Variants in LSAMP observed in about 807,000 individuals in gnomAD.
LSAMP encodes limbic system associated membrane protein.
Under a neutral mutation model 38.6 loss-of-function variants are expected in LSAMP, and 7 were observed. The observed-to-expected ratio is 0.18, with a 90% CI of 0.10 to 0.34. LSAMP has a LOEUF of 0.34. LSAMP is among the 10% of genes least tolerant of loss of function. The probability of loss-of-function intolerance (pLI) is 1.00; values close to 1 mark genes in which losing one functional copy is unlikely to be tolerated. For missense variants in LSAMP, 313 were observed against 420.0 expected, an observed-to-expected ratio of 0.75 and a Z score of 2.23; for synonymous variants, 154 against 166.8, an observed-to-expected ratio of 0.92 and a Z score of 0.59.
chr3:116,106,924 A>G (rs556146544), intron 1 of LSAMP, among the ~76,000 whole-genome samples: 9 of 152,318 alleles, frequency 5.9e-5, no homozygotes, highest in Non-Finnish European at 1.0e-4. Context: ...AATAGCAGAT[A>G]GAACACTGAG....
chr3:116,232,794 A>G (rs1432114280), intron 1 of LSAMP, among the ~76,000 whole-genome samples: 2 of 147,434 alleles, frequency 1.4e-5, no homozygotes, highest in Non-Finnish European at 3.0e-5. Flanking sequence ...CAGAGGAAGT[A>G]GAACTATTAG....
At chr3:115,919,894 A>C (rs1387047487) in intron 3 of LSAMP, among the ~76,000 whole-genome samples, 2 of 152,200 alleles carry the variant, frequency 1.3e-5, no homozygotes, top group Non-Finnish European at 2.9e-5. Context: ...GGCGTGAGCC[A>C]CCCACCGTGC....
At chr3:116,166,451 G>T (rs536699454) in intron 1 of LSAMP, among the ~76,000 whole-genome samples, 2 of 152,320 alleles carry the variant, frequency 1.3e-5, no homozygotes, top group East Asian at 3.9e-4. Context: ...TGGCTCCACA[G>T]TCTATGCTCC....
chr3:116,306,938 C>A (rs187419158), intron 1 of LSAMP, among the ~76,000 whole-genome samples: 1 of 151,898 alleles, frequency 6.6e-6, no homozygotes, highest in Non-Finnish European at 1.5e-5. Flanking sequence ...TGCAGGGCAG[C>A]CTTTGAACTA....
chr3:116,296,734 A>G (rs1258057695), intron 1 of LSAMP, among the ~76,000 whole-genome samples: 2 of 149,908 alleles, frequency 1.3e-5, no homozygotes, highest in African/African-American at 4.9e-5. Context: ...GAAACCCATA[A>G]AGGTCTACTG....
intron 1 of LSAMP, among the ~76,000 whole-genome samples, chr3:116,208,245 G>A (rs1465653379): frequency 0.017 from 2,176 of 129,828 alleles, no homozygotes; most frequent in South Asian, 0.023. Context: ...TTGGTTTTCA[G>A]CTCCATCAGC....
intron 1 of LSAMP, among the ~76,000 whole-genome samples, chr3:116,314,898 T>C (rs1408524203): frequency 6.6e-6 from 1 of 152,212 alleles, no homozygotes; most frequent in African/African-American, 2.4e-5. Context: ...TTGGGGGTTT[T>C]TTTGTTTAAT....
chr3:116,028,471 T>G (rs1940844771), intron 2 of LSAMP, among the ~76,000 whole-genome samples: 1 of 152,176 alleles, frequency 6.6e-6, no homozygotes, highest in African/African-American at 2.4e-5. Flanking sequence ...TGTAGGTGCT[T>G]AACCAATTTT....
At chr3:115,968,566 A>G (rs1938904918) in intron 3 of LSAMP, among the ~76,000 whole-genome samples, 1 of 152,128 alleles carries the variant, frequency 6.6e-6, no homozygotes, top group African/African-American at 2.4e-5. Flanking sequence ...CTGATACCCA[A>G]GTTGCAAGAC....
chr3:115,839,256 T>TC (rs56815724), intron 6 of LSAMP, among the ~76,000 whole-genome samples: 12,868 of 102,908 alleles, frequency 0.13, 1,312 homozygotes, highest in Non-Finnish European at 0.17. Flanking sequence ...CTTCCTTCCT[T>TC]CTTTCTTTCC....
intron 1 of LSAMP, among the ~76,000 whole-genome samples, chr3:116,170,047 T>C (rs572209719): frequency 2.2e-4 from 34 of 151,550 alleles, no homozygotes; most frequent in African/African-American, 7.3e-4. Flanking sequence ...TAATTATTAA[T>C]CTATATATTG....
intron 3 of LSAMP, among the ~76,000 whole-genome samples, chr3:115,982,964 G>A (rs1403117533): frequency 6.8e-6 from 1 of 146,414 alleles, no homozygotes; most frequent in African/African-American, 2.5e-5. Flanking sequence ...CCAGTCTAAG[G>A]CAAAGTATGA....
At chr3:116,317,457 G>A (rs1351263927) in intron 1 of LSAMP, among the ~76,000 whole-genome samples, 1 of 151,250 alleles carries the variant, frequency 6.6e-6, no homozygotes, top group Non-Finnish European at 1.5e-5. Context: ...CTGGGTTCAC[G>A]CCATTCTCCT....
At chr3:116,214,659 C>T (rs554091034) in intron 1 of LSAMP, among the ~76,000 whole-genome samples, 26 of 152,084 alleles carry the variant, frequency 1.7e-4, no homozygotes, top group East Asian at 5.8e-4. Flanking sequence ...CCCACCACCA[C>T]GCATGGCTAA....
chr3:115,889,489 T>G (rs1936540714), intron 3 of LSAMP, among the ~76,000 whole-genome samples: 1 of 151,788 alleles, frequency 6.6e-6, no homozygotes, highest in Non-Finnish European at 1.5e-5. Context: ...TGGTGGTAGA[T>G]CCAAGTCCAG....
intron 2 of LSAMP, among the ~76,000 whole-genome samples, chr3:116,077,679 T>G (rs1707776224): frequency 6.6e-6 from 1 of 152,222 alleles, no homozygotes; most frequent in Non-Finnish European, 1.5e-5. Flanking sequence ...ATAGTTCCCA[T>G]GTATCCTTCA....
At chr3:115,927,265 A>G (rs1488575995) in intron 3 of LSAMP, among the ~76,000 whole-genome samples, 2 of 152,204 alleles carry the variant, frequency 1.3e-5, no homozygotes, top group African/African-American at 2.4e-5. Context: ...CTTGGCATAA[A>G]AGACAGCAGA....
chr3:116,055,295 A>G (rs759395814), intron 2 of LSAMP, among the ~76,000 whole-genome samples: 3 of 152,230 alleles, frequency 2.0e-5, no homozygotes, highest in Non-Finnish European at 4.4e-5. Flanking sequence ...CACTAGGGAT[A>G]CCGTGATAGT....
chr3:116,137,032 T>C (rs1049637666), intron 1 of LSAMP, among the ~76,000 whole-genome samples: 1 of 152,142 alleles, frequency 6.6e-6, no homozygotes. Flanking sequence ...AGAATCCTTC[T>C]TTGTCTTTTC....
Sources: allele counts gnomAD v4.1 joint callset (sites outside exome capture counted in the v4.1 genomes callset), GRCh38; gene constraint gnomAD v4.1.1; transcripts MANE v1.5; gene names NCBI Gene and HGNC (gene_info 2026-07-23, HGNC 2026-07-21).